The following PTPRT variants were observed in gnomAD, a reference collection of about 807,000 sequenced individuals.
The protein encoded by PTPRT is receptor-type tyrosine-protein phosphatase T.
In PTPRT, 56 loss-of-function variants were observed where a neutral mutation model predicts 176.8. That is an observed-to-expected ratio of 0.32 (90% CI 0.26 to 0.40). The LOEUF (loss-of-function observed/expected upper bound fraction) is 0.40. Ranked by LOEUF, PTPRT falls within the 10% of genes least tolerant of loss-of-function variation. The probability of loss-of-function intolerance (pLI) is 1.00; values close to 1 mark genes in which losing one functional copy is unlikely to be tolerated. For missense variants in PTPRT, 1,540 were observed against 1,908.2 expected (o/e 0.81, Z 3.60); for synonymous variants, 783 against 739.0 (o/e 1.06, Z -0.96).
At chr20:42,169,825 T>C (rs1990002617) in intron 16 of PTPRT, among the ~76,000 whole-genome samples, 3 of 139,960 alleles carry the variant, frequency 2.1e-5, no homozygotes, top group Admixed American at 7.3e-5. Flanking sequence ...CCAAGAGCCA[T>C]CCCCTGTCTT....
intron 7 of PTPRT, among the ~76,000 whole-genome samples, chr20:42,668,038 T>C (rs2075346692): frequency 6.6e-6 from 1 of 152,192 alleles, no homozygotes; most frequent in Non-Finnish European, 1.5e-5. Context: ...CTGGAACTTC[T>C]AAGTAACACA....
At chr20:42,230,847 CCTTAT>C (rs2056119119) in intron 15 of PTPRT, among the ~76,000 whole-genome samples, 1 of 152,168 alleles carries the variant, frequency 6.6e-6, no homozygotes, top group Admixed American at 6.5e-5. Flanking sequence ...CAATAATGGG[CCTTAT>C]CTTTAACTAT....
At chr20:42,757,060 A>C (rs1268757505) in intron 5 of PTPRT, among the ~76,000 whole-genome samples, 24 of 95,542 alleles carry the variant, frequency 2.5e-4, no homozygotes, top group African/African-American at 1.4e-3. Context: ...TTTAAAAAAA[A>C]AAAAAAAAAA....
chr20:43,058,537 A>C (rs1987330892), intron 1 of PTPRT, among the ~76,000 whole-genome samples: 1 of 152,236 alleles, frequency 6.6e-6, no homozygotes, highest in South Asian at 2.1e-4. Context: ...ACGGCCCCAC[A>C]CCATAGGCCC....
chr20:42,564,137 C>T (rs1400943169), intron 7 of PTPRT, among the ~76,000 whole-genome samples: 2 of 152,204 alleles, frequency 1.3e-5, no homozygotes, highest in Admixed American at 6.5e-5. Context: ...CCCCTAACTG[C>T]AAAGGGGCTG....
chr20:42,263,539 C>A (rs1191350210), intron 13 of PTPRT, among the ~76,000 whole-genome samples: 9 of 151,838 alleles, frequency 5.9e-5, no homozygotes, highest in South Asian at 4.2e-4. Context: ...TGCCACCACA[C>A]CTGGCTAATT....
At chr20:42,790,379 T>G (rs1385318135) in intron 3 of PTPRT, among the ~76,000 whole-genome samples, 4 of 152,008 alleles carry the variant, frequency 2.6e-5, no homozygotes, top group Non-Finnish European at 4.4e-5. Flanking sequence ...GTTTAGGAAC[T>G]GTTGCAACAA....
At chr20:42,637,116 C>G (rs1006729888) in intron 7 of PTPRT, among the ~76,000 whole-genome samples, 2 of 152,080 alleles carry the variant, frequency 1.3e-5, no homozygotes, top group Admixed American at 6.5e-5. Context: ...GATGCCACCC[C>G]CAGAGTTTCT....
At chr20:42,223,948 C>A (rs1192202170) in intron 15 of PTPRT, among the ~76,000 whole-genome samples, 6 of 152,148 alleles carry the variant, frequency 3.9e-5, no homozygotes, top group Admixed American at 2.6e-4. Context: ...ACAATCTTTA[C>A]AAAAATCAAG....
At chr20:42,933,412 G>A (rs1301068302) in intron 1 of PTPRT, among the ~76,000 whole-genome samples, 1 of 151,994 alleles carries the variant, frequency 6.6e-6, no homozygotes, top group Non-Finnish European at 1.5e-5. Context: ...ATGTTTGTGG[G>A]CCACCTCACT....
intron 17 of PTPRT, among the ~76,000 whole-genome samples, chr20:42,142,350 G>A (rs1235050623): frequency 1.3e-5 from 2 of 152,156 alleles, no homozygotes; most frequent in Non-Finnish European, 2.9e-5. Flanking sequence ...GGGATATAGA[G>A]AAACAGACAA....
intron 1 of PTPRT, among the ~76,000 whole-genome samples, chr20:43,066,967 T>C (rs1470019732): frequency 6.6e-6 from 1 of 152,232 alleles, no homozygotes; most frequent in Non-Finnish European, 1.5e-5. Context: ...ATATTTGCTC[T>C]CTGGCCCTTT....
chr20:42,940,719 T>C (rs1980487800), intron 1 of PTPRT, among the ~76,000 whole-genome samples: 1 of 152,160 alleles, frequency 6.6e-6, no homozygotes, highest in Non-Finnish European at 1.5e-5. Context: ...CACAGTATGC[T>C]TAGCAAATAA....
chr20:43,022,554 T>C (rs570384428), intron 1 of PTPRT, among the ~76,000 whole-genome samples: 1 of 152,060 alleles, frequency 6.6e-6, no homozygotes, highest in Non-Finnish European at 1.5e-5. Flanking sequence ...AGTAAAAGAG[T>C]AGGTCAAATT....
In PTPRT at chr20:42,118,481, T is replaced by C; in HGVS notation, c.2904A>G (p.Val968=). 6.2e-7 allele frequency: 1 copy of C among 1,612,144 alleles called. No individual in the cohort carries two copies. The highest frequency in any genetic ancestry group is 8.5e-7 in the Non-Finnish European group (1 of 1,178,978). Residue 968 remains valine, a synonymous_variant, in exon 21 of 31, where the codon GTA becomes GTG. Coordinates refer to ENST00000373187, the MANE Select transcript of PTPRT (RefSeq NM_007050.6). ...GCCAGATCATTCTCCAAAAGTCCTTTACAGTCTCCTGCATCGGACCTGCCA... is the reference window on the plus strand; with the variant it reads ...GCCAGATCATTCTCCAAAAGTCCTTCACAGTCTCCTGCATCGGACCTGCCA... The part of the protein sequence containing the change: ...IATQGPMQET[V]KDFWRMIWQE...
At chr20:42,973,421 T>C (rs6065557) in intron 1 of PTPRT, among the ~76,000 whole-genome samples, 17,030 of 152,124 alleles carry the variant, frequency 0.11, 2,732 homozygotes, top group African/African-American at 0.36. Context: ...TCCACCCCAC[T>C]TCTTTATCCC....
chr20:42,312,436 G>A (rs1297388490), intron 12 of PTPRT, among the ~76,000 whole-genome samples: 1 of 152,208 alleles, frequency 6.6e-6, no homozygotes, highest in Non-Finnish European at 1.5e-5. Flanking sequence ...GTTAGACTGA[G>A]AATGGCTGTT....
intron 9 of PTPRT, 29 bp from the exon 10 acceptor site, chr20:42,352,314 C>T (rs373276086): frequency 5.0e-6 from 8 of 1,609,188 alleles, no homozygotes; most frequent in African/African-American, 1.3e-5. Context: ...AACAAACAAA[C>T]AAATAAATGC....
At chr20:42,796,750 G>A (rs1302750946) in intron 2 of PTPRT, among the ~76,000 whole-genome samples, 1 of 152,210 alleles carries the variant, frequency 6.6e-6, no homozygotes, top group Non-Finnish European at 1.5e-5. Flanking sequence ...AGCTTTGACA[G>A]GCAGTTCAAC....
Sources: allele counts gnomAD v4.1 joint callset (sites outside exome capture counted in the v4.1 genomes callset), GRCh38; gene constraint gnomAD v4.1.1; transcripts MANE v1.5; gene names NCBI Gene and HGNC (gene_info 2026-07-23, HGNC 2026-07-21).